TAMM41: variants seen among roughly 807,000 people sequenced by gnomAD.
TAMM41 encodes the protein TAM41 mitochondrial translocator assembly and maintenance homolog, also known as phosphatidate cytidylyltransferase, mitochondrial.
TAMM41 carries 36 observed loss-of-function variants against 44.1 expected under a neutral mutation model. That is an observed-to-expected ratio of 0.82 (90% confidence interval 0.63 to 1.08). The LOEUF (loss-of-function observed/expected upper bound fraction) is 1.08, where lower values mean the gene tolerates loss of function less well. Ranked by LOEUF, TAMM41 falls within the 50% of genes least tolerant of loss-of-function variation. The probability of loss-of-function intolerance (pLI) is 0.00; values close to 1 mark genes in which losing one functional copy is unlikely to be tolerated. For synonymous variants in TAMM41, 164 were observed against 153.1 expected (o/e 1.07, Z -0.53); for missense variants, 417 against 404.3 (o/e 1.03, Z -0.27).
At chr3:11,781,195 T>C in the TAMM41 span, among the ~76,000 whole-genome samples, 6 of 152,230 alleles carry the variant, frequency 3.9e-5, no homozygotes, top group Admixed American at 3.9e-4. Context: ...TTAGGGACTT[T>C]CTTGTATCTG....
chr3:11,845,759 A>T (rs2079653636), intron 1 of TAMM41, among the ~76,000 whole-genome samples: 1 of 152,178 alleles, frequency 6.6e-6, no homozygotes, highest in South Asian at 2.1e-4. Flanking sequence ...ATCCAGACGC[A>T]GGGGGCCCCA....
At chr3:11,773,961 T>G in the TAMM41 span, among the ~76,000 whole-genome samples, 1 of 152,100 alleles carries the variant, frequency 6.6e-6, no homozygotes, top group African/African-American at 2.4e-5. Flanking sequence ...TGGTGGTGCA[T>G]GCCTGTAATC....
chr3:11,758,619 G>A, the TAMM41 span, among the ~76,000 whole-genome samples: 3 of 152,144 alleles, frequency 2.0e-5, no homozygotes, highest in African/African-American at 4.8e-5. Flanking sequence ...CCAAAGTGCT[G>A]GGATTACCGG....
At chr3:11,841,073 A>ATTTTTTT (rs141805597) in intron 2 of TAMM41, among the ~76,000 whole-genome samples, 3 of 83,964 alleles carry the variant, frequency 3.6e-5, no homozygotes, top group African/African-American at 8.8e-5. Flanking sequence ...GCCCATTTCT[A>ATTTTTTT]TTTTTTTTTT....
intron 1 of TAMM41, among the ~76,000 whole-genome samples, chr3:11,844,437 A>G (rs2079583651): frequency 1.3e-5 from 2 of 152,190 alleles, no homozygotes; most frequent in South Asian, 4.1e-4. Flanking sequence ...AGCACTCTTT[A>G]AACACTTTAT....
chr3:11,730,095 T>TAGA, the TAMM41 span, among the ~76,000 whole-genome samples: 1 of 152,050 alleles, frequency 6.6e-6, no homozygotes, highest in Non-Finnish European at 1.5e-5. Flanking sequence ...AATAAATAAT[T>TAGA]GCATTTGGCA....
chr3:11,839,524 G>A (rs962148228), intron 2 of TAMM41, among the ~76,000 whole-genome samples: 45 of 152,214 alleles, frequency 3.0e-4, no homozygotes, highest in Admixed American at 2.9e-3. Context: ...CCTAGGGTAT[G>A]TAAGGGGAGG....
chr3:11,813,130 A>C (rs966665724), intron 5 of TAMM41, among the ~76,000 whole-genome samples: 4 of 152,178 alleles, frequency 2.6e-5, no homozygotes, highest in African/African-American at 9.6e-5. Flanking sequence ...CAGTTTCTAG[A>C]AAGTTGGTAG....
chr3:11,776,469 T>A, the TAMM41 span, among the ~76,000 whole-genome samples: 1 of 152,074 alleles, frequency 6.6e-6, no homozygotes, highest in Non-Finnish European at 1.5e-5. Context: ...ACCTTTGCTA[T>A]GTGTGGACAT....
At chr3:11,811,886 A>G (rs1378322452) in intron 5 of TAMM41, among the ~76,000 whole-genome samples, 1 of 152,178 alleles carries the variant, frequency 6.6e-6, no homozygotes, top group African/African-American at 2.4e-5. Context: ...TATAAACACT[A>G]GCTTTTATGG....
intron 4 of TAMM41, among the ~76,000 whole-genome samples, chr3:11,817,624 T>C (rs1197713334): frequency 6.6e-6 from 1 of 152,192 alleles, no homozygotes; most frequent in Non-Finnish European, 1.5e-5. Context: ...TTTTAGCTTT[T>C]CCAATGCAGA....
the TAMM41 span, among the ~76,000 whole-genome samples, chr3:11,742,067 C>T: frequency 1.7e-3 from 248 of 150,110 alleles, 10 homozygotes; most frequent in Middle Eastern, 3.4e-3. Flanking sequence ...GGGGGTCTAC[C>T]GTATGCATTT....
At chr3:11,830,234 T>C (rs186268351) in intron 3 of TAMM41, among the ~76,000 whole-genome samples, 47 of 152,368 alleles carry the variant, frequency 3.1e-4, no homozygotes, top group Admixed American at 1.1e-3. Context: ...TTTACCTCTT[T>C]ATTTAGACCT....
the TAMM41 span, among the ~76,000 whole-genome samples, chr3:11,732,166 C>T: frequency 6.6e-6 from 1 of 152,074 alleles, no homozygotes; most frequent in Non-Finnish European, 1.5e-5. Flanking sequence ...CACACTTGGC[C>T]CATTAGGGCA....
the TAMM41 span, among the ~76,000 whole-genome samples, chr3:11,725,328 CTTTTTTTCTTCTCCTCCTCCTCCTT>C: frequency 2.5e-5 from 3 of 118,804 alleles, 1 homozygote; most frequent in Admixed American, 2.5e-4. Context: ...CCTCCTCCTC[CTTTTTTTCTTCTCCTCCTCCTCCTT>C]TTTTTTCTTC....
At chr3:11,763,852 A>G in the TAMM41 span, among the ~76,000 whole-genome samples, 45 of 152,322 alleles carry the variant, frequency 3.0e-4, no homozygotes, top group African/African-American at 1.1e-3. Context: ...TGCCTAATAC[A>G]TCACTGCTAT....
At chr3:11,732,731 C>T in the TAMM41 span, among the ~76,000 whole-genome samples, 41 of 152,114 alleles carry the variant, frequency 2.7e-4, no homozygotes, top group Middle Eastern at 3.4e-3. Context: ...AGGAGACAGC[C>T]GTGCCACAAT....
chr3:11,834,513 T>G (rs1183945472), intron 3 of TAMM41, among the ~76,000 whole-genome samples: 2 of 152,210 alleles, frequency 1.3e-5, no homozygotes, highest in African/African-American at 4.8e-5. Flanking sequence ...TTAAACACTT[T>G]AAATTCCATG....
chr3:11,772,982 A>T, the TAMM41 span, among the ~76,000 whole-genome samples: 1 of 151,810 alleles, frequency 6.6e-6, no homozygotes, highest in Non-Finnish European at 1.5e-5. Context: ...TTTGGAATGG[A>T]GTCTAGCTCT....
Sources: gnomAD v4.1 joint callset for allele counts (sites outside exome capture counted in the v4.1 genomes callset) on GRCh38, gnomAD v4.1.1 for gene constraint, MANE v1.5 for transcripts, NCBI Gene and HGNC (gene_info 2026-07-23, HGNC 2026-07-21) for gene names.